Variants in ZNF518A observed in about 807,000 individuals in gnomAD.
ZNF518A encodes the protein zinc finger protein 518A.
A neutral mutation model predicts 102.7 loss-of-function variants in ZNF518A; 47 were observed. The ratio of observed to expected loss-of-function variants is 0.46; its 90% confidence interval spans 0.36 to 0.58. The LOEUF is 0.58. ZNF518A is among the 20% of genes least tolerant of loss of function. The probability of loss-of-function intolerance (pLI) is 0.00; values close to 1 mark genes in which losing one functional copy is unlikely to be tolerated. For synonymous variants in ZNF518A, 652 were observed against 594.6 expected (o/e 1.10, Z -1.40); for missense variants, 1,793 against 1,699.8 (o/e 1.05, Z -0.96).
chr10:96,150,379 T>C (rs1269528812), intron 3 of ZNF518A, among the ~76,000 whole-genome samples: 1 of 151,774 alleles, frequency 6.6e-6, no homozygotes, highest in Non-Finnish European at 1.5e-5. Flanking sequence ...GGTGGTGTTC[T>C]GATGAAAAAT....
intron 1 of ZNF518A, among the ~76,000 whole-genome samples, chr10:96,190,585 A>G (rs146140360): frequency 9.8e-5 from 15 of 152,358 alleles, no homozygotes; most frequent in Non-Finnish European, 1.9e-4. Context: ...ACATTTAAAT[A>G]TACAATTATC....
In ZNF518A at chr10:96,142,308, GTGTGTGTGTGT is replaced by G. The variant is rs1564748372; in HGVS notation, c.-302+8661_-302+8671del. ...GCTTTGAAAGTAATATTCTTAGGGT[GTGTGTGTGTGT>G]GTGTGTGTGTGTGTGTGTGTGTGTG... On this transcript the variant is annotated intron_variant, in intron 3 of 5. Transcript: ENST00000316045. Among the ~76,000 whole-genome samples, 321 of 94,274 alleles carry G rather than the reference GTGTGTGTGTGT, an allele frequency of 3.4e-3. 1 individual carries two copies. The highest frequency in any genetic ancestry group is 0.012 in the Middle Eastern group (2 of 170). 61.8% of individuals were successfully genotyped at this position (94,274 alleles called of 152,430 possible).
At chr10:96,133,763 C>T (rs782489801) in intron 3 of ZNF518A, 115 bp downstream of exon 3, 1 of 152,102 alleles carries the variant, frequency 6.6e-6, no homozygotes, top group South Asian at 2.1e-4. Context: ...ATCATAATAA[C>T]CGTGTTCTTC....
In ZNF518A at chr10:96,158,312, CAA is replaced by C. The variant is rs1238960974; in HGVS notation, c.1992_1993del (p.Glu666IlefsTer13). 3.7e-6 allele frequency: 6 copies of C among 1,613,690 alleles called. No homozygotes were observed. Among genetic ancestry groups the C allele is most frequent in the Admixed American group, 1.7e-5 (1 of 60,010 alleles). On this transcript the variant is annotated frameshift_variant, in exon 6 of 6. Coordinates refer to ENST00000316045, the MANE Select transcript of ZNF518A (RefSeq NM_001330736.2). LOFTEE classifies it high-confidence loss of function. ...FSGTAVYENP[Q>X]RESSSSKTVV... Reference sequence around the variant, plus strand: ...AGGAACAGCAGTGTATGAAAACCCTCAAAGAGAATCTTCATCCAGCAAAACAG... The same window carrying C: ...AGGAACAGCAGTGTATGAAAACCCTCAGAGAATCTTCATCCAGCAAAACAG...
At chr10:96,196,586 A>G (rs1233280005) in intron 1 of ZNF518A, among the ~76,000 whole-genome samples, 1 of 152,118 alleles carries the variant, frequency 6.6e-6, no homozygotes, top group Non-Finnish European at 1.5e-5. Context: ...CTTGACCCTA[A>G]TTCTTACAAC....
At chr10:96,170,217 GC>G (rs1395391714) in intron 1 of ZNF518A, among the ~76,000 whole-genome samples, 1 of 152,194 alleles carries the variant, frequency 6.6e-6, no homozygotes, top group Non-Finnish European at 1.5e-5. Flanking sequence ...TTTCTTCCAA[GC>G]TTTTTGGTTA....
At chr10:96,167,410 C>T (rs905151171), downstream of ZNF518A, among the ~76,000 whole-genome samples, 2 of 152,122 alleles carry the variant, frequency 1.3e-5, no homozygotes, top group East Asian at 1.9e-4. Flanking sequence ...GCCGAGATTG[C>T]GCCATTGCTG....
intron 1 of ZNF518A, chr10:96,191,971 C>T (rs781847413): frequency 6.2e-7 from 1 of 1,613,222 alleles, no homozygotes; most frequent in East Asian, 2.2e-5. Flanking sequence ...TTTTTTCCCC[C>T]TTTATGAAAC....
At position 96,130,631 on chromosome 10, in the gene ZNF518A, G is replaced by C. The variant is rs2142165455; in HGVS notation, c.-574G>C. ...CGCAGACCGCACCCCTCGAGCTATAGGTTCGCAGGCCCGACTCGACGGCGT... is the reference window on the plus strand; with the variant it reads ...CGCAGACCGCACCCCTCGAGCTATACGTTCGCAGGCCCGACTCGACGGCGT... On this transcript the variant is annotated 5_prime_UTR_variant, in exon 1 of 6. Coordinates refer to ENST00000316045, the MANE Select transcript of ZNF518A (RefSeq NM_001330736.2). 1.3e-5 allele frequency: 2 copies of C among 152,474 alleles called. No homozygotes were observed. Among genetic ancestry groups the C allele is most frequent in the South Asian group, 4.1e-4 (2 of 4,828 alleles). 9.4% of individuals were successfully genotyped at this position (152,474 alleles called of 1,614,324 possible).
At chr10:96,190,298 G>A in intron 1 of ZNF518A, 1 of 651,568 alleles carries the variant, frequency 1.5e-6, no homozygotes. Context: ...AGCCATACAG[G>A]ATGGAATCAC....
In ZNF518A at chr10:96,156,853, A is replaced by G; in HGVS notation, c.531A>G (p.Val177=). ...QHRRTHRSTL[V]KCDICNNESV... is the part of the protein sequence containing the mutation. ...GACGAACCCATAGAAGCACTTTAGTAAAATGTGACATTTGTAACAATGAGA... is the reference window on the plus strand; with the variant it reads ...GACGAACCCATAGAAGCACTTTAGTGAAATGTGACATTTGTAACAATGAGA... Residue 177 remains valine, a synonymous_variant, in exon 6 of 6, where the codon GTA becomes GTG. Transcript: ENST00000316045. The G allele has an allele frequency of 6.2e-7, 1 of 1,613,864 alleles. No homozygotes were observed. The highest frequency in any genetic ancestry group is 8.5e-7 in the Non-Finnish European group (1 of 1,179,798).
chr10:96,141,399 G>T (rs782389649), intron 3 of ZNF518A, among the ~76,000 whole-genome samples: 1 of 152,188 alleles, frequency 6.6e-6, no homozygotes, highest in Non-Finnish European at 1.5e-5. Context: ...GTTGAATTTA[G>T]ATAGAAGGAA....
chr10:96,169,094 T>A (rs2083159243), intron 1 of ZNF518A, among the ~76,000 whole-genome samples: 1 of 152,176 alleles, frequency 6.6e-6, no homozygotes, highest in South Asian at 2.1e-4. Flanking sequence ...AGTGGTGCAG[T>A]CATAGCTCAC....
downstream of ZNF518A, among the ~76,000 whole-genome samples, chr10:96,168,500 T>A (rs587631225): frequency 6.6e-5 from 10 of 152,264 alleles, no homozygotes; most frequent in African/African-American, 1.9e-4. Context: ...TTTAGCTTTA[T>A]ACTCCCTTTA....
At chr10:96,197,019 T>C in intron 1 of ZNF518A, 1 of 1,613,210 alleles carries the variant, frequency 6.2e-7, no homozygotes, top group Non-Finnish European at 8.5e-7. Flanking sequence ...TATATGGTTG[T>C]TTGGAATCAT....
chr10:96,198,848 G>A (rs1055209786), intron 1 of ZNF518A, among the ~76,000 whole-genome samples: 2 of 152,140 alleles, frequency 1.3e-5, no homozygotes, highest in East Asian at 1.9e-4. Flanking sequence ...ATAGGCGCCC[G>A]CCATCACGCC....
At position 96,158,140 on chromosome 10, in the gene ZNF518A, A is replaced by T. The variant is rs782649051; in HGVS notation, c.1818A>T (p.Lys606Asn). The stretch of plus-strand genomic sequence containing the variant: ...CAGATAAAGTCAACTGTGTTGCCAA[A>T]CCAAATGCATACAACAGTGGAGATA... ...KSPDKVNCVA[K>N]PNAYNSGDMH... is the part of the protein sequence containing the mutation. The change falls in exon 6 of 6, where the codon AAA (lysine) becomes AAT (asparagine). Residue 606 changes from lysine (K) to asparagine (N), a missense_variant. Physicochemically the swap from Lys to Asn is moderately conservative, Grantham distance 94. This residue lies in a region of ZNF518A where 1,741 missense variants were observed against 1,622.6 expected (regional missense o/e 1.07). Coordinates refer to ENST00000316045, the MANE Select transcript of ZNF518A (RefSeq NM_001330736.2). 1.4e-5 allele frequency: 22 copies of T among 1,613,490 alleles called. No homozygotes were observed. Among genetic ancestry groups the T allele is most frequent in the Admixed American group, 5.0e-5 (3 of 59,896 alleles).
chr10:96,160,912 T>C lies in ZNF518A; in HGVS notation c.*138T>C, dbSNP rs1393477928. The C allele has an allele frequency of 3.1e-6, 3 of 965,522 alleles. No individual in the cohort carries two copies. In the African/African-American group the frequency reaches 5.1e-5, roughly 16 times the overall value. 59.8% of individuals were successfully genotyped at this position (965,522 alleles called of 1,614,324 possible). On this transcript the variant is annotated 3_prime_UTR_variant, in exon 6 of 6. Coordinates refer to ENST00000316045, the MANE Select transcript of ZNF518A (RefSeq NM_001330736.2). ...ATTTTAAAAGTTGATTGTATTTCTGTGGAAGAGTAAAAGTTGTATGTATGA... is the reference window on the plus strand; with the variant it reads ...ATTTTAAAAGTTGATTGTATTTCTGCGGAAGAGTAAAAGTTGTATGTATGA...
chr10:96,189,019 T>C (rs1224454373), intron 1 of ZNF518A, among the ~76,000 whole-genome samples: 2 of 152,056 alleles, frequency 1.3e-5, no homozygotes, highest in Non-Finnish European at 2.9e-5. Context: ...TGTCGTAATC[T>C]TTTTTTTCAA....
Sources: gnomAD v4.1 joint callset for allele counts (sites outside exome capture counted in the v4.1 genomes callset) on GRCh38, gnomAD v4.1.1 for gene constraint, gnomAD v4.1.1 regional missense constraint, MANE v1.5 for transcripts, NCBI Gene and HGNC (gene_info 2026-07-23, HGNC 2026-07-21) for gene names.